XIAP: variants seen among roughly 807,000 people sequenced by gnomAD.
XIAP encodes the protein E3 ubiquitin-protein ligase XIAP.
Under a neutral mutation model 33.1 loss-of-function variants are expected in XIAP, and 3 were observed. The ratio of observed to expected loss-of-function variants is 0.09; its 90% CI spans 0.04 to 0.23. The LOEUF is 0.23. XIAP is among the 10% of genes least tolerant of loss of function. XIAP has a pLI of 1.00. For synonymous variants in XIAP, 98 were observed against 121.3 expected (o/e 0.81, Z 1.26); for missense variants, 264 against 363.0 (o/e 0.73, Z 2.22).
intron 5 of XIAP, among the ~76,000 whole-genome samples, chrX:123,894,414 T>C (rs985243089): frequency 4.0e-4 from 45 of 112,399 alleles, no homozygotes; most frequent in African/African-American, 1.5e-3. Flanking sequence ...AAGTTTAATT[T>C]AGAATATGTC....
chrX:123,891,387 T>C (rs1020440899), intron 4 of XIAP, 71 bp downstream of exon 4: 2 of 506,734 alleles, frequency 3.9e-6, no homozygotes, highest in African/African-American at 4.7e-5. Flanking sequence ...TTATGTAGTT[T>C]ATATTATATC....
At chrX:123,876,768 A>G (rs1247492651) in intron 1 of XIAP, among the ~76,000 whole-genome samples, 1 of 111,964 alleles carries the variant, frequency 8.9e-6, no homozygotes, top group East Asian at 2.8e-4. Context: ...CATCAGTGGT[A>G]AATACCACAT....
chrX:123,900,734 G>A (rs746715671), intron 6 of XIAP, 41 bp downstream of exon 6: 3 of 1,146,101 alleles, frequency 2.6e-6, no homozygotes, highest in African/African-American at 1.8e-5. Flanking sequence ...AGGGCCAGAT[G>A]TGGTGGCTCA....
chrX:123,866,284 G>A (rs1261208203), intron 1 of XIAP, among the ~76,000 whole-genome samples: 2 of 108,460 alleles, frequency 1.8e-5, no homozygotes, highest in Non-Finnish European at 3.8e-5. Flanking sequence ...TGTTGCCCAG[G>A]CTGGTCTTGA....
intron 1 of XIAP, among the ~76,000 whole-genome samples, chrX:123,882,140 T>G (rs1344988811): frequency 8.9e-6 from 1 of 112,071 alleles, no homozygotes; most frequent in Non-Finnish European, 1.9e-5. Context: ...TACTGAGCAT[T>G]AATTCTTCAG....
At chrX:123,874,326 G>T (rs955214587) in intron 1 of XIAP, 1 of 112,046 alleles carries the variant, frequency 8.9e-6, no homozygotes, top group African/African-American at 3.2e-5. Flanking sequence ...TAATCTCACT[G>T]CTCAGAGATA....
chrX:123,860,881 GAAC>G lies in XIAP; in HGVS notation c.-33+592_-33+594del, dbSNP rs916764606. On this transcript the variant is annotated intron_variant, in intron 1 of 6. Transcript: ENST00000371199. ...GTAGCCCTCTCCACCTTCGAAAAAG[GAAC>G]AACGTCAATCCAACCTTTGTTAAAA... Among the ~76,000 whole-genome samples the G allele has an allele frequency of 5.4e-5, 6 of 111,423 alleles. No homozygotes were observed. In the Admixed American group the frequency reaches 5.8e-4, roughly 11 times the overall value.
Position 123,911,338 on chromosome X carries a change from G to T in XIAP, c.*4157G>T, listed in dbSNP as rs771560079. On this transcript the variant is annotated 3_prime_UTR_variant, in exon 7 of 7. Transcript: ENST00000371199. Reference sequence around the variant, plus strand: ...ACTAAAAATACAAAATTAGCTGGGCGTGGTGGCTCATGCCTGTAATCCCAG... The same window carrying T: ...ACTAAAAATACAAAATTAGCTGGGCTTGGTGGCTCATGCCTGTAATCCCAG... 4 of 286,101 alleles carry T rather than the reference G, an allele frequency of 1.4e-5. No homozygotes were observed. The highest frequency in any genetic ancestry group is 2.6e-5 in the Non-Finnish European group (4 of 151,564). The allele number at this position is 286,101 out of a possible 1,213,427, so 23.6% of individuals were successfully genotyped here.
intron 1 of XIAP, among the ~76,000 whole-genome samples, chrX:123,877,890 C>T (rs1036040565): frequency 9.2e-6 from 1 of 109,226 alleles, no homozygotes. Context: ...AGAAGAATGG[C>T]GTGAACCCGG....
In XIAP at chrX:123,909,116, C is replaced by T. The variant is rs1447597539; in HGVS notation, c.*1935C>T. On this transcript the variant is annotated 3_prime_UTR_variant, in exon 7 of 7. Coordinates refer to ENST00000371199, the MANE Select transcript of XIAP (RefSeq NM_001167.4). ...TGATCTCTGCTCACTGCAACCTCCG[C>T]CTTCTGGGTTCAAGCGATTCTCGTG... is the stretch of plus-strand genomic sequence containing the variant. The T allele has an allele frequency of 7.4e-6, 2 of 272,016 alleles. No individual in the cohort carries two copies. The highest frequency in any genetic ancestry group is 5.7e-5 in the African/African-American group (2 of 35,150). The allele number at this position is 272,016 out of a possible 1,213,427, so 22.4% of individuals were successfully genotyped here. A position where few individuals can be genotyped will look rare whatever the true frequency, so the allele number is the denominator to read the frequency against.
In XIAP at chrX:123,907,851, C is replaced by A. The variant is rs1359099115; in HGVS notation, c.*670C>A. ...AGTGTAAAATGCAAGTGGCAAAACA[C>A]TATGTATAGTCTGAGCCAGATCAAA... On this transcript the variant is annotated 3_prime_UTR_variant, in exon 7 of 7. Transcript: ENST00000371199. 8 of 367,861 alleles carry A rather than the reference C, an allele frequency of 2.2e-5. No homozygotes were observed. In the Admixed American group the frequency reaches 2.5e-4, roughly 12 times the overall value. 30.3% of individuals were successfully genotyped at this position (367,861 alleles called of 1,213,427 possible).
At chrX:123,896,615 C>T (rs766396114) in intron 5 of XIAP, among the ~76,000 whole-genome samples, 1 of 100,222 alleles carries the variant, frequency 1.0e-5, no homozygotes, top group South Asian at 4.6e-4. Context: ...GAGTCTTGCT[C>T]TGTTGCCCAG....
intron 1 of XIAP, among the ~76,000 whole-genome samples, chrX:123,865,206 C>G (rs1271146255): frequency 9.1e-6 from 1 of 109,696 alleles, no homozygotes; most frequent in Non-Finnish European, 1.9e-5. Context: ...AAGAGACAAA[C>G]AGTAGTGATA....
intron 5 of XIAP, among the ~76,000 whole-genome samples, chrX:123,899,144 A>AAAAAT (rs1186271285): frequency 2.0e-5 from 1 of 50,184 alleles, no homozygotes; most frequent in Non-Finnish European, 3.5e-5. Context: ...AAAAAAAAAA[A>AAAAAT]ATATATATAT....
At chrX:123,886,958 T>C (rs888541722) in intron 2 of XIAP, among the ~76,000 whole-genome samples, 3 of 112,083 alleles carry the variant, frequency 2.7e-5, no homozygotes, top group African/African-American at 9.7e-5. Context: ...TCGCTCTTGT[T>C]ATCCAGGCTG....
At chrX:123,879,787 C>T (rs2053280719) in intron 1 of XIAP, among the ~76,000 whole-genome samples, 1 of 111,645 alleles carries the variant, frequency 9.0e-6, no homozygotes, top group South Asian at 3.7e-4. Context: ...ACCTTATATC[C>T]TTTTCCCCAT....
chrX:123,900,060 C>T (rs1406941210), intron 5 of XIAP, among the ~76,000 whole-genome samples: 1 of 111,981 alleles, frequency 8.9e-6, no homozygotes, highest in Admixed American at 9.6e-5. Context: ...AGGAAATTGA[C>T]ACATTCAAGG....
intron 1 of XIAP, among the ~76,000 whole-genome samples, chrX:123,866,862 T>C (rs1380858860): frequency 9.4e-6 from 1 of 106,596 alleles, no homozygotes; most frequent in East Asian, 2.9e-4. Context: ...TATGTATTTA[T>C]TTATTTTTCT....
chrX:123,879,107 A>AT (rs2053273206), intron 1 of XIAP: 1 of 111,041 alleles, frequency 9.0e-6, no homozygotes, highest in Non-Finnish European at 1.9e-5. Flanking sequence ...GGCCTGGAAC[A>AT]AGCCAGGATA....
Sources: gnomAD v4.1 joint callset for allele counts (sites outside exome capture counted in the v4.1 genomes callset) on GRCh38, gnomAD v4.1.1 for gene constraint, MANE v1.5 for transcripts, NCBI Gene and HGNC (gene_info 2026-07-23, HGNC 2026-07-21) for gene names.